Variants in ZNF362 observed in about 807,000 individuals in gnomAD.
The protein encoded by ZNF362 is zinc finger protein 362.
In ZNF362, 11 loss-of-function variants were observed where a neutral mutation model predicts 42.9. The ratio of observed to expected loss-of-function variants is 0.26; its 90% confidence interval spans 0.16 to 0.42. ZNF362 has a LOEUF of 0.42. Ranked by LOEUF, ZNF362 falls within the 20% of genes least tolerant of loss-of-function variation. The pLI is 1.00. For synonymous variants in ZNF362, 255 were observed against 257.3 expected, an observed-to-expected ratio of 0.99 and a Z score of 0.09; for missense variants, 362 against 576.2, an observed-to-expected ratio of 0.63 and a Z score of 3.81.
chr1:33,236,550 A>AAAAATATATATATATATATATATAT, the ZNF362 span, among the ~76,000 whole-genome samples: 2 of 5,976 alleles, frequency 3.3e-4, no homozygotes, highest in African/African-American at 7.8e-4. Context: ...AAAAAAAAAA[A>AAAAATATATATATATATATATATAT]ATATATATAT....
intron 8 of ZNF362, among the ~76,000 whole-genome samples, chr1:33,298,352 G>A (rs1165550235): frequency 2.0e-5 from 3 of 152,162 alleles, no homozygotes; most frequent in Non-Finnish European, 4.4e-5. Context: ...CTTAAGAAAA[G>A]GAAGGAAAGG....
At chr1:33,181,273 G>A in the ZNF362 span, 2 of 1,546,434 alleles carry the variant, frequency 1.3e-6, no homozygotes, top group South Asian at 1.2e-5. This position sits in a 1 kb window ranked among gnomAD's most constrained non-coding sequence, Gnocchi z 6.5. Flanking sequence ...AACGTGCGCC[G>A]GCACTCGGGG....
At chr1:33,237,333 A>G in the ZNF362 span, among the ~76,000 whole-genome samples, 3 of 152,168 alleles carry the variant, frequency 2.0e-5, no homozygotes, top group Non-Finnish European at 4.4e-5. Context: ...TGTTAAGAGC[A>G]GACTGACCAA....
chr1:33,164,905 C>T, the ZNF362 span: 5 of 152,208 alleles, frequency 3.3e-5, no homozygotes, highest in African/African-American at 9.6e-5. Flanking sequence ...GTCTCAGTCT[C>T]CAGAGTAGCT....
chr1:33,165,508 G>A, the ZNF362 span: 1 of 1,609,808 alleles, frequency 6.2e-7, no homozygotes, highest in Non-Finnish European at 8.5e-7. The surrounding 1 kb of genome is among the most constrained non-coding windows in gnomAD (Gnocchi z 4.0). Context: ...CAGCTGCAGC[G>A]CTTCGGTGTG....
At chr1:33,212,077 T>C in the ZNF362 span, among the ~76,000 whole-genome samples, 1 of 152,192 alleles carries the variant, frequency 6.6e-6, no homozygotes, top group African/African-American at 2.4e-5. Flanking sequence ...GAGCTGTCAT[T>C]ACGATAGTGA....
the ZNF362 span, among the ~76,000 whole-genome samples, chr1:33,177,729 T>C: frequency 2.0e-5 from 3 of 152,220 alleles, no homozygotes; most frequent in East Asian, 1.9e-4. This position sits in a 1 kb window ranked among gnomAD's most constrained non-coding sequence, Gnocchi z 4.1. Context: ...CTACCAGACT[T>C]CCTATAACAC....
chr1:33,170,166 C>T, the ZNF362 span, among the ~76,000 whole-genome samples: 1 of 152,070 alleles, frequency 6.6e-6, no homozygotes, highest in Non-Finnish European at 1.5e-5. Flanking sequence ...CCCGTCTCTA[C>T]TAAAAATACA....
At chr1:33,243,747 C>A in the ZNF362 span, among the ~76,000 whole-genome samples, 1 of 151,548 alleles carries the variant, frequency 6.6e-6, no homozygotes, top group African/African-American at 2.4e-5. Context: ...CAGGCGCCCA[C>A]CACTACAACT....
At chr1:33,283,661 C>T (rs999516402) in intron 6 of ZNF362, among the ~76,000 whole-genome samples, 1 of 152,106 alleles carries the variant, frequency 6.6e-6, no homozygotes, top group Non-Finnish European at 1.5e-5. Flanking sequence ...GCTGATGTCA[C>T]ACCACTGCAC....
At chr1:33,225,803 A>G in the ZNF362 span, among the ~76,000 whole-genome samples, 1 of 152,196 alleles carries the variant, frequency 6.6e-6, no homozygotes, top group Non-Finnish European at 1.5e-5. Context: ...TTCAGATTTT[A>G]TCTCACTCAG....
At chr1:33,265,814 T>C (rs1376483491) in intron 1 of ZNF362, among the ~76,000 whole-genome samples, 1 of 152,144 alleles carries the variant, frequency 6.6e-6, no homozygotes, top group Non-Finnish European at 1.5e-5. Context: ...GTCCCCCCTA[T>C]GTTCTTTCAC....
chr1:33,160,490 C>T, the ZNF362 span, among the ~76,000 whole-genome samples: 5 of 152,022 alleles, frequency 3.3e-5, no homozygotes, highest in South Asian at 4.1e-4. Context: ...TTGCAACCTC[C>T]ACCTCCTGGG....
chr1:33,222,888 T>C, the ZNF362 span, among the ~76,000 whole-genome samples: 3 of 152,142 alleles, frequency 2.0e-5, no homozygotes, highest in Non-Finnish European at 2.9e-5. Flanking sequence ...AATTGAATCA[T>C]GGGGGCAGGT....
At chr1:33,181,729 G>A in the ZNF362 span, 4 of 447,098 alleles carry the variant, frequency 8.9e-6, no homozygotes, top group Non-Finnish European at 1.6e-5. The surrounding 1 kb of genome is among the most constrained non-coding windows in gnomAD (Gnocchi z 6.5). Flanking sequence ...AGATCCTGAC[G>A]GGGAGGTTCT....
Position 33,294,422 on chromosome 1 carries a change from C to T in ZNF362, c.909-515C>T, listed in dbSNP as rs1400654234. Among the ~76,000 whole-genome samples the T allele has an allele frequency of 6.6e-6, 1 of 152,176 alleles. No homozygotes were observed. Among genetic ancestry groups the T allele is most frequent in the African/African-American group, 2.4e-5 (1 of 41,440 alleles). On this transcript the variant is annotated intron_variant, in intron 6 of 8. Transcript: ENST00000539719. This position sits in a 1 kb window ranked among gnomAD's most constrained non-coding sequence, Gnocchi z 4.2. ...TCAGGGCCATGCTGTCCCACATTCT[C>T]CCATTTACTGGGGTGACCATGCAGC...
At chr1:33,256,757 C>T (rs1430338872) in intron 1 of ZNF362, 103 bp downstream of exon 1, 1 of 145,174 alleles carries the variant, frequency 6.9e-6, no homozygotes, top group Non-Finnish European at 1.5e-5. Flanking sequence ...GGCCGGGGCG[C>T]GGGCGCTGTC....
rs997171581 is a variant in ZNF362, at chr1:33,281,953, T to C, written c.908+142T>C. On this transcript the variant is annotated intron_variant, in intron 6 of 8. Coordinates refer to ENST00000539719, the MANE Select transcript of ZNF362 (RefSeq NM_152493.3). This position sits in a 1 kb window ranked among gnomAD's most constrained non-coding sequence, Gnocchi z 4.8. ...GGGTCACGGCCCTTGTGGACCTCAC[T>C]GGCCTCAGCTGTTGTTACTGCACCC... The C allele has an allele frequency of 3.3e-5, 25 of 746,518 alleles. No homozygotes were observed. Among genetic ancestry groups the C allele is most frequent in the Non-Finnish European group, 5.0e-5 (23 of 455,870 alleles). The allele number at this position is 746,518 out of a possible 1,614,324, so 46.2% of individuals were successfully genotyped here.
chr1:33,279,188 CTAATTTTTG>C (rs578259995), intron 4 of ZNF362, among the ~76,000 whole-genome samples: 353 of 152,190 alleles, frequency 2.3e-3, no homozygotes, highest in Middle Eastern at 6.8e-3. Flanking sequence ...CCACACCCAG[CTAATTTTTG>C]TAATTTTTGT....
Sources: allele counts gnomAD v4.1 joint callset (sites outside exome capture counted in the v4.1 genomes callset), GRCh38; gene constraint gnomAD v4.1.1; non-coding constraint Gnocchi (gnomAD v3.1); transcripts MANE v1.5; gene names NCBI Gene and HGNC (gene_info 2026-07-23, HGNC 2026-07-21).